Variants in ARHGAP42 observed in about 807,000 individuals in gnomAD.
ARHGAP42 encodes rho GTPase-activating protein 42.
A neutral mutation model predicts 125.0 loss-of-function variants in ARHGAP42; 63 were observed. That is an observed-to-expected ratio of 0.50 (90% CI 0.41 to 0.62). ARHGAP42 has a LOEUF of 0.62. ARHGAP42 is among the 20% of genes least tolerant of loss of function. The probability of loss-of-function intolerance (pLI) is 0.00; values close to 1 mark genes in which losing one functional copy is unlikely to be tolerated. For missense variants in ARHGAP42, 766 were observed against 1,024.2 expected (o/e 0.75, Z 3.44); for synonymous variants, 339 against 351.0 (o/e 0.97, Z 0.38).
In ARHGAP42 at chr11:100,904,840, A is replaced by G. The variant is rs926939496; in HGVS notation, c.385-8612A>G. 3.9e-5 allele frequency among the ~76,000 whole-genome samples: 6 copies of G among 152,256 alleles called. No homozygotes were observed. The East Asian group carries it at 9.6e-4, about 24-fold the overall frequency. On this transcript the variant is annotated intron_variant, in intron 4 of 23. Coordinates refer to ENST00000298815, the MANE Select transcript of ARHGAP42 (RefSeq NM_152432.4). ...CTTCTCTGATAATGTTTTCATGCTC[A>G]TAAAATGAGGATTTATTATTCTTAC...
intron 1 of ARHGAP42, among the ~76,000 whole-genome samples, chr11:100,711,767 G>A (rs899181275): frequency 1.3e-5 from 2 of 152,176 alleles, no homozygotes; most frequent in Non-Finnish European, 2.9e-5. Flanking sequence ...ATAGGTAACT[G>A]GGCACTACAC....
chr11:100,919,344 G>T (rs1376627553), intron 5 of ARHGAP42, among the ~76,000 whole-genome samples: 1 of 152,098 alleles, frequency 6.6e-6, no homozygotes, highest in Non-Finnish European at 1.5e-5. Flanking sequence ...CCTCTTAGCA[G>T]TTAGAGTGAT....
intron 4 of ARHGAP42, among the ~76,000 whole-genome samples, chr11:100,871,117 G>A (rs1865685153): frequency 6.6e-6 from 1 of 152,014 alleles, no homozygotes. Context: ...TATTAAATTA[G>A]TATTAAAACT....
At chr11:100,844,822 C>G (rs1348594338) in intron 3 of ARHGAP42, among the ~76,000 whole-genome samples, 1 of 152,060 alleles carries the variant, frequency 6.6e-6, no homozygotes, top group Admixed American at 6.6e-5. Context: ...GAACAGGGAA[C>G]ACTTCTACAC....
intron 4 of ARHGAP42, among the ~76,000 whole-genome samples, chr11:100,899,698 TTTTTTTGTTTTG>T (rs1306275762): frequency 3.1e-4 from 39 of 125,832 alleles, no homozygotes; most frequent in African/African-American, 1.1e-3. Flanking sequence ...TTTGTTTTGT[TTTTTTTGTTTTG>T]TTTTGTGTTT....
intron 6 of ARHGAP42, among the ~76,000 whole-genome samples, chr11:100,922,341 C>G (rs1037050924): frequency 2.4e-4 from 37 of 152,204 alleles, no homozygotes; most frequent in African/African-American, 7.9e-4. Flanking sequence ...CAGAAAAGAA[C>G]AGGTGGCTGG....
intron 22 of ARHGAP42, among the ~76,000 whole-genome samples, chr11:100,986,652 A>T (rs1858685825): frequency 6.6e-6 from 1 of 151,968 alleles, no homozygotes; most frequent in Admixed American, 6.6e-5. Context: ...ATTGTCTTGG[A>T]CTCTGGTTGT....
At chr11:100,711,490 G>A (rs1473782415) in intron 1 of ARHGAP42, among the ~76,000 whole-genome samples, 1 of 152,126 alleles carries the variant, frequency 6.6e-6, no homozygotes, top group African/African-American at 2.4e-5. Flanking sequence ...AAGTAGCTGG[G>A]ACTACAGGTG....
chr11:100,724,575 A>C (rs1205293698), intron 1 of ARHGAP42, among the ~76,000 whole-genome samples: 2 of 152,046 alleles, frequency 1.3e-5, no homozygotes, highest in Non-Finnish European at 2.9e-5. Context: ...AGTTTCATCT[A>C]AGTTTTCATA....
chr11:100,917,659 C>A (rs1867110294), intron 5 of ARHGAP42, among the ~76,000 whole-genome samples: 1 of 152,160 alleles, frequency 6.6e-6, no homozygotes, highest in Non-Finnish European at 1.5e-5. Flanking sequence ...GCAACCTCCA[C>A]CTCTTGGGTC....
chr11:100,976,715 G>A (rs1007318726), intron 20 of ARHGAP42, 100 bp from the exon 21 acceptor site: 39 of 1,411,378 alleles, frequency 2.8e-5, no homozygotes, highest in Non-Finnish European at 3.6e-5. Flanking sequence ...TCCCATTTGG[G>A]CTCAGAGAAA....
intron 4 of ARHGAP42, among the ~76,000 whole-genome samples, chr11:100,868,984 A>C (rs1366955288): frequency 2.0e-5 from 3 of 152,022 alleles, no homozygotes; most frequent in Non-Finnish European, 4.4e-5. Context: ...AGTGTAACTA[A>C]AGTATCATTG....
chr11:100,881,129 CT>C (rs774252595), intron 4 of ARHGAP42, among the ~76,000 whole-genome samples: 2 of 152,168 alleles, frequency 1.3e-5, no homozygotes, highest in Non-Finnish European at 2.9e-5. Flanking sequence ...TTTGTATTTG[CT>C]TTTGGGTTCT....
intron 3 of ARHGAP42, among the ~76,000 whole-genome samples, chr11:100,824,177 G>T (rs1727123281): frequency 6.6e-6 from 1 of 152,194 alleles, no homozygotes; most frequent in Non-Finnish European, 1.5e-5. Flanking sequence ...CTCTGGAAGT[G>T]AAACTGTAGG....
intron 2 of ARHGAP42, among the ~76,000 whole-genome samples, chr11:100,770,732 C>T (rs1010756365): frequency 6.6e-6 from 1 of 152,146 alleles, no homozygotes; most frequent in Non-Finnish European, 1.5e-5. Context: ...CATCTGCCAC[C>T]ATGCCCAGCT....
At chr11:100,983,154 G>A (rs1042468708) in intron 22 of ARHGAP42, among the ~76,000 whole-genome samples, 2 of 151,964 alleles carry the variant, frequency 1.3e-5, no homozygotes, top group Non-Finnish European at 2.9e-5. Flanking sequence ...GATCTTTAAG[G>A]ATCCCCAAAG....
chr11:100,698,598 T>C (rs1861332828), intron 1 of ARHGAP42, among the ~76,000 whole-genome samples: 1 of 152,176 alleles, frequency 6.6e-6, no homozygotes, highest in African/African-American at 2.4e-5. Context: ...GGAGAATCAC[T>C]TGAACCTGGG....
intron 1 of ARHGAP42, among the ~76,000 whole-genome samples, chr11:100,766,106 A>G (rs952606519): frequency 1.3e-5 from 2 of 152,210 alleles, no homozygotes; most frequent in African/African-American, 4.8e-5. Context: ...ACTCTTCCAT[A>G]TGAAAACACT....
intron 8 of ARHGAP42, among the ~76,000 whole-genome samples, chr11:100,939,835 G>A (rs556916844): frequency 2.0e-5 from 3 of 152,148 alleles, no homozygotes; most frequent in Non-Finnish European, 4.4e-5. Flanking sequence ...AATGCAGGAG[G>A]TCCTGAACTT....
Sources: allele counts gnomAD v4.1 joint callset (sites outside exome capture counted in the v4.1 genomes callset), GRCh38; gene constraint gnomAD v4.1.1; transcripts MANE v1.5; gene names NCBI Gene and HGNC (gene_info 2026-07-23, HGNC 2026-07-21).